The following DCP1A variants were observed in gnomAD, a reference collection of about 807,000 sequenced individuals.
DCP1A encodes decapping mRNA 1A.
Under a neutral mutation model 58.0 loss-of-function variants are expected in DCP1A, and 20 were observed. The observed-to-expected ratio is 0.34, with a 90% CI of 0.24 to 0.50. The LOEUF is 0.50. Among genes scored for constraint, DCP1A ranks in the 20% least tolerant of loss-of-function variants. The probability of loss-of-function intolerance (pLI) is 0.98; values close to 1 mark genes in which losing one functional copy is unlikely to be tolerated. For synonymous variants in DCP1A, 285 were observed against 275.1 expected (o/e 1.04, Z -0.36); for missense variants, 613 against 712.2 (o/e 0.86, Z 1.59).
At chr3:53,307,888 A>G (rs782787786) in intron 5 of DCP1A, among the ~76,000 whole-genome samples, 4 of 152,250 alleles carry the variant, frequency 2.6e-5, no homozygotes, top group African/African-American at 7.2e-5. Flanking sequence ...TATCATTTAT[A>G]TAATGCACAT....
In DCP1A at chr3:53,283,545, A is replaced by C. The variant is rs1257118433; in HGVS notation, c.*4035T>G. 1 of 152,254 alleles carries C rather than the reference A, an allele frequency of 6.6e-6. No homozygotes were observed. Among genetic ancestry groups the C allele is most frequent in the African/African-American group, 2.4e-5 (1 of 41,468 alleles). 9.4% of individuals were successfully genotyped at this position (152,254 alleles called of 1,614,324 possible). A position where few individuals can be genotyped will look rare whatever the true frequency, so the allele number is the denominator to read the frequency against. On this transcript the variant is annotated 3_prime_UTR_variant, in exon 10 of 10. Coordinates refer to ENST00000610213, the MANE Select transcript of DCP1A (RefSeq NM_018403.7). ...GTAATAACTTAATATTTGCAAACAT[A>C]CACAGATGCTATAAAATCCATACCA...
At chr3:53,293,516 G>A (rs1210144386) in intron 6 of DCP1A, among the ~76,000 whole-genome samples, 1 of 151,976 alleles carries the variant, frequency 6.6e-6, no homozygotes, top group African/African-American at 2.4e-5. Flanking sequence ...CTCTAACCTG[G>A]GCCCACGCGA....
rs781997739 is a variant in DCP1A at position 53,286,840 on chromosome 3, G to A, written c.*740C>T. 2.6e-5 allele frequency: 4 copies of A among 152,240 alleles called. No homozygotes were observed. The highest frequency in any genetic ancestry group is 5.9e-5 in the Non-Finnish European group (4 of 68,052). The allele number at this position is 152,240 out of a possible 1,614,324, so 9.4% of individuals were successfully genotyped here. ...ACCTAAAATGAAGATTTGATAGGAT[G>A]TGGGCATTCCCAGCCCCAGCCTTTC... On this transcript the variant is annotated 3_prime_UTR_variant, in exon 10 of 10. Coordinates refer to ENST00000610213, the MANE Select transcript of DCP1A (RefSeq NM_018403.7).
At chr3:53,338,569 GA>G (rs1200347035) in intron 3 of DCP1A, among the ~76,000 whole-genome samples, 10 of 151,800 alleles carry the variant, frequency 6.6e-5, no homozygotes, top group Middle Eastern at 6.8e-3. Context: ...GTTTTATAAA[GA>G]AAAACTCTTG....
rs1706522397 is a variant in DCP1A at position 53,283,816 on chromosome 3, A to C, written c.*3764T>G. 1 of 152,276 alleles carries C rather than the reference A, an allele frequency of 6.6e-6. No individual in the cohort carries two copies. The allele number at this position is 152,276 out of a possible 1,614,324, so 9.4% of individuals were successfully genotyped here. On this transcript the variant is annotated 3_prime_UTR_variant, in exon 10 of 10. Transcript: ENST00000610213. ...TCTGCATTTTCCCCACTTTGAAGTG[A>C]ATGATATTGCATCTTAGCATTTTAA...
intron 4 of DCP1A, among the ~76,000 whole-genome samples, chr3:53,316,011 C>T (rs1398158172): frequency 6.6e-6 from 1 of 152,078 alleles, no homozygotes; most frequent in African/African-American, 2.4e-5. Context: ...GTCTTGGCCT[C>T]CCAAAGCGCT....
Position 53,292,617 on chromosome 3 carries a change from C to G in DCP1A, c.835G>C (p.Ala279Pro). 1.2e-6 allele frequency: 2 copies of G among 1,613,724 alleles called. No individual in the cohort carries two copies. Among genetic ancestry groups the G allele is most frequent in the East Asian group, 4.5e-5 (2 of 44,860 alleles). ...TCAGGCTGGACTGAATGGTGGGCAG[C>G]AGAAGGGACACCCAGGGTTTCTGAT... Reference protein sequence around the residue: ...PQSETLGVPSAAHHSVQPEIT... With the variant: ...PQSETLGVPSPAHHSVQPEIT... Residue 279 changes from alanine (A) to proline (P), a missense_variant, in exon 7 of 10, where the codon GCT becomes CCT. By Grantham distance (27) the Ala-to-Pro change is conservative. This residue lies in a region of DCP1A where 498 missense variants were observed against 556.7 expected (regional missense o/e 0.89). Coordinates refer to ENST00000610213, the MANE Select transcript of DCP1A (RefSeq NM_018403.7).
chr3:53,315,287 C>T (rs1553689117), intron 4 of DCP1A, among the ~76,000 whole-genome samples: 4 of 151,986 alleles, frequency 2.6e-5, no homozygotes, highest in African/African-American at 9.7e-5. Context: ...CGCCTGTAAT[C>T]CCAGCACTTT....
intron 3 of DCP1A, among the ~76,000 whole-genome samples, chr3:53,324,774 A>G (rs1222996027): frequency 6.6e-6 from 1 of 152,060 alleles, no homozygotes; most frequent in Non-Finnish European, 1.5e-5. Context: ...TAATCCCAAC[A>G]CTTTGGGAGG....
intron 6 of DCP1A, among the ~76,000 whole-genome samples, chr3:53,300,494 C>G (rs547880483): frequency 6.6e-6 from 1 of 152,146 alleles, no homozygotes; most frequent in South Asian, 2.1e-4. Flanking sequence ...TGTGCCACCA[C>G]CCCTGGCTAA....
intron 6 of DCP1A, among the ~76,000 whole-genome samples, chr3:53,297,800 T>G (rs1553686949): frequency 6.6e-6 from 1 of 152,086 alleles, no homozygotes; most frequent in African/African-American, 2.4e-5. Flanking sequence ...TTGCAGAAAT[T>G]TAAGAAAAGG....
chr3:53,341,240 G>C (rs1185529059), intron 3 of DCP1A, among the ~76,000 whole-genome samples: 1 of 151,748 alleles, frequency 6.6e-6, no homozygotes, highest in Admixed American at 6.6e-5. Context: ...AGATCACAAG[G>C]TCAGGAGATC....
chr3:53,322,281 G>A (rs1043318689), intron 3 of DCP1A, among the ~76,000 whole-genome samples: 3 of 151,830 alleles, frequency 2.0e-5, no homozygotes, highest in Non-Finnish European at 4.4e-5. Flanking sequence ...GATGAAACCC[G>A]TCTCTACTAA....
chr3:53,308,772 T>A (rs536508355), intron 5 of DCP1A, among the ~76,000 whole-genome samples: 44 of 151,362 alleles, frequency 2.9e-4, no homozygotes, highest in African/African-American at 9.2e-4. Context: ...TAAAAAAAAA[T>A]TTTTTTTTGG....
At chr3:53,320,436 C>T (rs1205551736) in intron 3 of DCP1A, among the ~76,000 whole-genome samples, 1 of 152,106 alleles carries the variant, frequency 6.6e-6, no homozygotes, top group Non-Finnish European at 1.5e-5. Context: ...ATGGATAAGA[C>T]CCATTGCTAC....
chr3:53,285,830 T>C lies in DCP1A; in HGVS notation c.*1750A>G, dbSNP rs1288894425. The C allele has an allele frequency of 2.0e-5, 3 of 152,170 alleles. No individual in the cohort carries two copies. Among genetic ancestry groups the C allele is most frequent in the Non-Finnish European group, 2.9e-5 (2 of 68,028 alleles). The allele number at this position is 152,170 out of a possible 1,614,324, so 9.4% of individuals were successfully genotyped here. A position where few individuals can be genotyped will look rare whatever the true frequency, so the allele number is the denominator to read the frequency against. ...CTCCCGGTGTCAGCAACACTCTGTA[T>C]CCCACTATAGCTTTCTCGTTCCCAG... On this transcript the variant is annotated 3_prime_UTR_variant, in exon 10 of 10. Transcript: ENST00000610213.
At position 53,347,514 on chromosome 3, in the gene DCP1A, C is replaced by T; in HGVS notation, c.4G>A (p.Glu2Lys). MEALSRAGQEMS... is the reference protein window; with the variant it reads MKALSRAGQEMS... ...TCCTGCCCAGCTCGACTCAGCGCCT[C>T]CATCTTGAATCCCAGAGCCTAGCCC... Residue 2 changes from glutamate (E) to lysine (K), a missense_variant, in exon 1 of 10, where the codon GAG (glutamate) becomes AAG (lysine). Glu to Lys is a moderately conservative substitution (Grantham distance 56). This residue lies in a region of DCP1A where 50 missense variants were observed against 37.0 expected (regional missense o/e 1.35). Transcript: ENST00000610213. The T allele has an allele frequency of 6.2e-7, 1 of 1,611,062 alleles. No individual in the cohort carries two copies.
intron 4 of DCP1A, among the ~76,000 whole-genome samples, chr3:53,313,848 G>A (rs1553688917): frequency 6.6e-6 from 1 of 151,526 alleles, no homozygotes; most frequent in East Asian, 1.9e-4. Context: ...AAAATACTGG[G>A]TTAAACAATA....
intron 1 of DCP1A, 106 bp downstream of exon 1, chr3:53,347,277 C>T: frequency 7.5e-7 from 1 of 1,328,430 alleles, no homozygotes; most frequent in South Asian, 1.6e-5. Flanking sequence ...CTCGTCTCCA[C>T]CGCCCTGGCC....
Sources: allele counts gnomAD v4.1 joint callset (sites outside exome capture counted in the v4.1 genomes callset), GRCh38; gene constraint gnomAD v4.1.1; regional missense constraint gnomAD v4.1.1; transcripts MANE v1.5; gene names NCBI Gene and HGNC (gene_info 2026-07-23, HGNC 2026-07-21).